Variants in ZCCHC24 observed in about 807,000 individuals in gnomAD.
ZCCHC24 encodes zinc finger CCHC domain-containing protein 24.
In ZCCHC24, 10 loss-of-function variants were observed where a neutral mutation model predicts 26.2. The observed-to-expected ratio is 0.38, with a 90% CI of 0.24 to 0.65. The LOEUF (loss-of-function observed/expected upper bound fraction) is 0.65. Ranked by LOEUF, ZCCHC24 falls within the 30% of genes least tolerant of loss-of-function variation. ZCCHC24 has a pLI of 0.54. For synonymous variants in ZCCHC24, 144 were observed against 147.1 expected (o/e 0.98, Z 0.15); for missense variants, 243 against 329.1 (o/e 0.74, Z 2.03).
At chr10:79,421,312 G>A (rs11002970) in intron 2 of ZCCHC24, among the ~76,000 whole-genome samples, 94,929 of 152,016 alleles carry the variant, frequency 0.62, 31,324 homozygotes, top group East Asian at 0.89. Context: ...CAGGCTCCAG[G>A]AGAACCCCCT....
Position 79,384,253 on chromosome 10 carries a change from G to A in ZCCHC24, c.*2092C>T, listed in dbSNP as rs1856360146. ...GGAAGCCCTGGCCTCCAGTGGTCTG[G>A]GGCCTGGGTTAGTTTTAGGGTGTGG... On this transcript the variant is annotated 3_prime_UTR_variant, in exon 4 of 4. Coordinates refer to ENST00000372336, the MANE Select transcript of ZCCHC24 (RefSeq NM_153367.4). 6.6e-6 allele frequency: 1 copy of A among 152,354 alleles called. No homozygotes were observed. Among genetic ancestry groups the A allele is most frequent in the Non-Finnish European group, 1.5e-5 (1 of 68,056 alleles). 9.4% of individuals were successfully genotyped at this position (152,354 alleles called of 1,614,324 possible). A position where few individuals can be genotyped will look rare whatever the true frequency, so the allele number is the denominator to read the frequency against.
chr10:79,396,541 A>C (rs1328019741), intron 2 of ZCCHC24, among the ~76,000 whole-genome samples: 3 of 152,178 alleles, frequency 2.0e-5, no homozygotes, highest in African/African-American at 7.2e-5. Context: ...GCAGGCTTTG[A>C]GTTGGAGAGG....
At chr10:79,390,192 T>C (rs1856460302) in intron 3 of ZCCHC24, among the ~76,000 whole-genome samples, 1 of 152,194 alleles carries the variant, frequency 6.6e-6, no homozygotes. Context: ...CTTAAAGTAT[T>C]TTATAACCAT....
At chr10:79,441,994 C>T (rs1857296497) in intron 1 of ZCCHC24, among the ~76,000 whole-genome samples, 1 of 152,174 alleles carries the variant, frequency 6.6e-6, no homozygotes, top group Non-Finnish European at 1.5e-5. Flanking sequence ...AGCCCCTTTA[C>T]GGTTGTGAAT....
chr10:79,404,222 G>A (rs965015589), intron 2 of ZCCHC24, among the ~76,000 whole-genome samples: 4 of 152,308 alleles, frequency 2.6e-5, no homozygotes, highest in East Asian at 1.9e-4. Context: ...GCCCTGAGGC[G>A]CTGCTGCCCA....
chr10:79,404,114 C>T (rs563763087), intron 2 of ZCCHC24, among the ~76,000 whole-genome samples: 2 of 152,212 alleles, frequency 1.3e-5, no homozygotes, highest in African/African-American at 4.8e-5. Flanking sequence ...GAGACAGAGA[C>T]ATTCGGGGGA....
At position 79,382,844 on chromosome 10, in the gene ZCCHC24, G is replaced by C. The variant is rs1006534562; in HGVS notation, c.*3501C>G. 1.3e-5 allele frequency: 2 copies of C among 152,774 alleles called. No individual in the cohort carries two copies. The highest frequency in any genetic ancestry group is 2.9e-5 in the Non-Finnish European group (2 of 68,054). 9.5% of individuals were successfully genotyped at this position (152,774 alleles called of 1,614,324 possible). A position where few individuals can be genotyped will look rare whatever the true frequency, so the allele number is the denominator to read the frequency against. On this transcript the variant is annotated 3_prime_UTR_variant, in exon 4 of 4. Coordinates refer to ENST00000372336, the MANE Select transcript of ZCCHC24 (RefSeq NM_153367.4). Reference sequence around the variant, plus strand: ...GCGTGGCTCAGATGGCAAAGCTCCCGAGCGGCGAGGCCAGGCTTTGCCCCA... The same window carrying C: ...GCGTGGCTCAGATGGCAAAGCTCCCCAGCGGCGAGGCCAGGCTTTGCCCCA...
chr10:79,444,479 C>CG (rs1857333459), intron 1 of ZCCHC24, among the ~76,000 whole-genome samples: 1 of 151,976 alleles, frequency 6.6e-6, no homozygotes, highest in South Asian at 2.1e-4. Context: ...TCTCCCCCCC[C>CG]CTTTCTAGCC....
At chr10:79,434,443 C>T (rs1857186674) in intron 1 of ZCCHC24, among the ~76,000 whole-genome samples, 1 of 152,158 alleles carries the variant, frequency 6.6e-6, no homozygotes, top group Admixed American at 6.5e-5. Flanking sequence ...GTCAACCTTC[C>T]ACGGCATGGG....
intron 2 of ZCCHC24, among the ~76,000 whole-genome samples, chr10:79,410,287 C>A (rs1389778506): frequency 6.6e-6 from 1 of 152,232 alleles, no homozygotes; most frequent in Non-Finnish European, 1.5e-5. Flanking sequence ...TGTCATCCTG[C>A]AAGATTGGGA....
At chr10:79,416,082 TA>T (rs1856856199) in intron 2 of ZCCHC24, among the ~76,000 whole-genome samples, 1 of 152,238 alleles carries the variant, frequency 6.6e-6, no homozygotes, top group Non-Finnish European at 1.5e-5. Flanking sequence ...ACCACACTTT[TA>T]GGCAAAGCCT....
chr10:79,426,253 C>T (rs1436017424), intron 2 of ZCCHC24, among the ~76,000 whole-genome samples: 1 of 152,208 alleles, frequency 6.6e-6, no homozygotes, highest in African/African-American at 2.4e-5. Context: ...ACCCCGGGGG[C>T]TCCATGGGCA....
At chr10:79,424,017 GAA>G (rs5786403) in intron 2 of ZCCHC24, among the ~76,000 whole-genome samples, 2,311 of 122,416 alleles carry the variant, frequency 0.019, 66 homozygotes, top group African/African-American at 0.062. Flanking sequence ...GACTCCGTCT[GAA>G]AAAAAAAAAA....
intron 1 of ZCCHC24, among the ~76,000 whole-genome samples, chr10:79,440,268 G>A (rs61862461): frequency 6.6e-6 from 1 of 152,214 alleles, no homozygotes; most frequent in African/African-American, 2.4e-5. Flanking sequence ...GGATATGGGT[G>A]CAGAAGCAGT....
At chr10:79,429,687 C>T (rs541100255) in intron 2 of ZCCHC24, among the ~76,000 whole-genome samples, 30 of 152,246 alleles carry the variant, frequency 2.0e-4, no homozygotes, top group Admixed American at 3.9e-4. Context: ...CAGGCATATA[C>T]GAAAATCACT....
chr10:79,386,567 C>T (rs1856400834), intron 3 of ZCCHC24, 109 bp from the exon 4 acceptor site: 2 of 803,020 alleles, frequency 2.5e-6, no homozygotes, highest in African/African-American at 3.5e-5. Context: ...GACAGGTACA[C>T]AGGGAGGGGA....
intron 2 of ZCCHC24, among the ~76,000 whole-genome samples, chr10:79,421,663 G>A (rs1332000018): frequency 6.6e-6 from 1 of 152,082 alleles, no homozygotes; most frequent in South Asian, 2.1e-4. Flanking sequence ...TTTCGCTCTT[G>A]TTGCCCAGGC....
intron 2 of ZCCHC24, among the ~76,000 whole-genome samples, chr10:79,424,671 A>C (rs1857001387): frequency 6.6e-6 from 1 of 151,470 alleles, no homozygotes; most frequent in African/African-American, 2.4e-5. Context: ...GTCACCTAAA[A>C]CCCTTCTCCC....
At chr10:79,430,686 C>CACCACACACACAAACA (rs370025190) in intron 2 of ZCCHC24, among the ~76,000 whole-genome samples, 1 of 140,620 alleles carries the variant, frequency 7.1e-6, no homozygotes, top group Non-Finnish European at 1.5e-5. Context: ...CACACACACA[C>CACCACACACACAAACA]CACACACACA....
Sources: gnomAD v4.1 joint callset for allele counts (sites outside exome capture counted in the v4.1 genomes callset) on GRCh38, gnomAD v4.1.1 for gene constraint, MANE v1.5 for transcripts, NCBI Gene and HGNC (gene_info 2026-07-23, HGNC 2026-07-21) for gene names.